The following POU2F3 variants were observed in gnomAD, a reference collection of about 807,000 sequenced individuals.
POU2F3 encodes POU domain, class 2, transcription factor 3.
In POU2F3, 23 loss-of-function variants were observed where a neutral mutation model predicts 59.2. The ratio of observed to expected loss-of-function variants is 0.39; its 90% CI spans 0.28 to 0.55. The LOEUF (loss-of-function observed/expected upper bound fraction) is 0.55. POU2F3 is among the 20% of genes least tolerant of loss of function. The probability of loss-of-function intolerance (pLI) is 0.66; values close to 1 mark genes in which losing one functional copy is unlikely to be tolerated. For missense variants in POU2F3, 473 were observed against 544.5 expected, an observed-to-expected ratio of 0.87 and a Z score of 1.31; for synonymous variants, 190 against 214.6, an observed-to-expected ratio of 0.89 and a Z score of 1.00.
intron 3 of POU2F3, among the ~76,000 whole-genome samples, chr11:120,290,412 T>C (rs1466867401): frequency 6.6e-6 from 1 of 152,174 alleles, no homozygotes; most frequent in Non-Finnish European, 1.5e-5. Context: ...AGCAATGTAG[T>C]ACACAGAAGA....
chr11:120,255,723 G>A (rs560390985), intron 2 of POU2F3, among the ~76,000 whole-genome samples: 126 of 152,178 alleles, frequency 8.3e-4, no homozygotes, highest in Non-Finnish European at 1.4e-3. Context: ...TGGGCTGGGT[G>A]TTATAACTTC....
At chr11:120,306,852 A>C (rs1433531173) in intron 8 of POU2F3, among the ~76,000 whole-genome samples, 4 of 152,190 alleles carry the variant, frequency 2.6e-5, no homozygotes, top group Non-Finnish European at 5.9e-5. Flanking sequence ...CACTGAAATG[A>C]GCGAAATGAT....
Position 120,240,256 on chromosome 11 carries a change from G to A in POU2F3, c.-88G>A. ...CGGCGGCGGCGGCCGGGAACTGGAG[G>A]AAGGAGACCCTGGCTTCGCAGGGGC... On this transcript the variant is annotated 5_prime_UTR_variant, in exon 1 of 13. Coordinates refer to ENST00000543440, the MANE Select transcript of POU2F3 (RefSeq NM_014352.4). 1 of 1,263,368 alleles carries A rather than the reference G, an allele frequency of 7.9e-7. No homozygotes were observed. The highest frequency in any genetic ancestry group is 1.0e-6 in the Non-Finnish European group (1 of 997,230). 78.3% of individuals were successfully genotyped at this position (1,263,368 alleles called of 1,614,324 possible). A position where few individuals can be genotyped will look rare whatever the true frequency, so the allele number is the denominator to read the frequency against.
chr11:120,290,045 T>A (rs1940965723), intron 3 of POU2F3, among the ~76,000 whole-genome samples: 1 of 152,202 alleles, frequency 6.6e-6, no homozygotes, highest in African/African-American at 2.4e-5. Context: ...GGAAACTGTT[T>A]CATTCACGCC....
At chr11:120,300,501 C>T (rs531100674) in intron 5 of POU2F3, among the ~76,000 whole-genome samples, 8 of 152,194 alleles carry the variant, frequency 5.3e-5, no homozygotes, top group South Asian at 2.1e-4. Flanking sequence ...CGGTGGCTCA[C>T]GCCTGTAATC....
At chr11:120,288,893 A>C (rs1940924138) in intron 3 of POU2F3, among the ~76,000 whole-genome samples, 1 of 151,968 alleles carries the variant, frequency 6.6e-6, no homozygotes, top group Admixed American at 6.5e-5. Context: ...CTGTTCATTT[A>C]GATAATGTAC....
At chr11:120,292,354 A>G (rs929977605) in intron 3 of POU2F3, among the ~76,000 whole-genome samples, 2 of 145,814 alleles carry the variant, frequency 1.4e-5, no homozygotes, top group African/African-American at 5.4e-5. Context: ...TATGTTAAAA[A>G]ACAAAAAAAA....
chr11:120,293,409 C>G (rs939240695), intron 3 of POU2F3, among the ~76,000 whole-genome samples: 11 of 152,130 alleles, frequency 7.2e-5, no homozygotes, highest in African/African-American at 2.7e-4. Flanking sequence ...CCCATTCCAC[C>G]ACTTAGAATA....
intron 2 of POU2F3, chr11:120,256,638 G>A (rs1001634865): frequency 2.6e-5 from 4 of 152,180 alleles, no homozygotes; most frequent in African/African-American, 9.7e-5. Flanking sequence ...TTAACCCACT[G>A]TGGGCTCCTC....
Position 120,317,479 on chromosome 11 carries a change from T to C in POU2F3, c.1271+115T>C, listed in dbSNP as rs561201398. The C allele has an allele frequency of 6.3e-6, 9 of 1,439,562 alleles. No homozygotes were observed. The African/African-American group carries it at 9.8e-5, about 16-fold the overall frequency. 89.2% of individuals were successfully genotyped at this position (1,439,562 alleles called of 1,614,324 possible). On this transcript the variant is annotated intron_variant, in intron 12 of 12. Transcript: ENST00000543440. ...CATAGAAAGGGTTGGAAAAGAGGAA[T>C]GGGGTGGCACAGAGAGGACAGAGTG...
intron 9 of POU2F3, among the ~76,000 whole-genome samples, chr11:120,308,619 G>A (rs1462032606): frequency 6.6e-6 from 1 of 152,006 alleles, no homozygotes; most frequent in African/African-American, 2.4e-5. Flanking sequence ...CTCATTTTCT[G>A]CTTTGAGACA....
chr11:120,305,305 G>A lies in POU2F3; in HGVS notation c.627+93G>A, dbSNP rs191997417. On this transcript the variant is annotated intron_variant, in intron 7 of 12. Transcript: ENST00000543440. Reference sequence around the variant, plus strand: ...AGGTTTCAAGAGCGACCAGAGGCTCGATGTGTTTGGGGTCTCCTCATCATG... The same window carrying A: ...AGGTTTCAAGAGCGACCAGAGGCTCAATGTGTTTGGGGTCTCCTCATCATG... 1,315 of 1,420,518 alleles carry A rather than the reference G, an allele frequency of 9.3e-4. 4 individuals carry two copies. The African/African-American group carries it at 0.012, about 13-fold the overall frequency. 88.0% of individuals were successfully genotyped at this position (1,420,518 alleles called of 1,614,324 possible). A position where few individuals can be genotyped will look rare whatever the true frequency, so the allele number is the denominator to read the frequency against.
At chr11:120,256,090 C>A (rs1939333378) in intron 2 of POU2F3, 1 of 152,176 alleles carries the variant, frequency 6.6e-6, no homozygotes, top group African/African-American at 2.4e-5. Context: ...AAAACAACTT[C>A]CAGCTCTGAG....
At chr11:120,290,794 A>G (rs1230358242) in intron 3 of POU2F3, among the ~76,000 whole-genome samples, 1 of 152,186 alleles carries the variant, frequency 6.6e-6, no homozygotes, top group African/African-American at 2.4e-5. Flanking sequence ...TCACGATCAT[A>G]AGTTGGTGTG....
chr11:120,264,803 C>G (rs1481932450), intron 2 of POU2F3, among the ~76,000 whole-genome samples: 2 of 152,194 alleles, frequency 1.3e-5, no homozygotes, highest in Non-Finnish European at 2.9e-5. Flanking sequence ...CAGTCCAGGA[C>G]TCTTTCTAAG....
Position 120,318,517 on chromosome 11 carries a change from C to A in POU2F3, c.*125C>A. 1.0e-6 allele frequency: 1 copy of A among 991,184 alleles called. No homozygotes were observed. The highest frequency in any genetic ancestry group is 1.6e-6 in the Non-Finnish European group (1 of 640,672). 61.4% of individuals were successfully genotyped at this position (991,184 alleles called of 1,614,324 possible). On this transcript the variant is annotated 3_prime_UTR_variant, in exon 13 of 13. Coordinates refer to ENST00000543440, the MANE Select transcript of POU2F3 (RefSeq NM_014352.4). ...AAGAAAATCTCCACTATCAATGAAC[C>A]CAGACTCTTGTCTTCTTCAAGAGCA...
intron 3 of POU2F3, among the ~76,000 whole-genome samples, chr11:120,282,864 C>T (rs779413524): frequency 1.2e-4 from 18 of 152,158 alleles, no homozygotes; most frequent in Non-Finnish European, 2.2e-4. Context: ...TTAACCTAGG[C>T]CATCACTGTG....
intron 2 of POU2F3, among the ~76,000 whole-genome samples, chr11:120,264,569 A>AC (rs1028164662): frequency 3.3e-5 from 5 of 152,150 alleles, no homozygotes; most frequent in African/African-American, 1.2e-4. Flanking sequence ...ATCAGACTCC[A>AC]CCTTTTGGGG....
At position 120,247,107 on chromosome 11, in the gene POU2F3, G is replaced by T. The variant is rs191292922; in HGVS notation, c.97+590G>T. Among the ~76,000 whole-genome samples, 38 of 152,260 alleles carry T rather than the reference G, an allele frequency of 2.5e-4. No individual in the cohort carries two copies. The East Asian group carries it at 5.8e-3, about 23-fold the overall frequency. ...AGGCTGGACCGTCCCAAAAAAAGCT[G>T]AGAGGAACAAAGAAGAATTAAAAAA... On this transcript the variant is annotated intron_variant, in intron 2 of 12. Transcript: ENST00000543440.
Sources: allele counts gnomAD v4.1 joint callset (sites outside exome capture counted in the v4.1 genomes callset), GRCh38; gene constraint gnomAD v4.1.1; transcripts MANE v1.5; gene names NCBI Gene and HGNC (gene_info 2026-07-23, HGNC 2026-07-21).